CNOT4: variants seen among roughly 807,000 people sequenced by gnomAD.
The protein encoded by CNOT4 is CCR4-associated factor 4.
A neutral mutation model predicts 73.8 loss-of-function variants in CNOT4; 8 were observed. The ratio of observed to expected loss-of-function variants is 0.11; its 90% CI spans 0.06 to 0.20. The LOEUF is 0.20. CNOT4 is among the 10% of genes least tolerant of loss of function. The pLI is 1.00. For missense variants in CNOT4, 564 were observed against 883.4 expected (o/e 0.64, Z 4.58); for synonymous variants, 293 against 321.1 (o/e 0.91, Z 0.94).
chr7:135,433,784 T>C (rs1798995049), intron 2 of CNOT4, among the ~76,000 whole-genome samples: 1 of 152,222 alleles, frequency 6.6e-6, no homozygotes, highest in African/African-American at 2.4e-5. Flanking sequence ...CAATACAGAA[T>C]GCCACATCAG....
At chr7:135,398,299 A>C in intron 7 of CNOT4, 73 bp from the exon 8 acceptor site, 1 of 763,236 alleles carries the variant, frequency 1.3e-6, no homozygotes, top group Non-Finnish European at 2.2e-6. Context: ...ACTCCTCAAA[A>C]GAAAAAAAAA....
intron 1 of CNOT4, among the ~76,000 whole-genome samples, chr7:135,496,191 C>G (rs1329919150): frequency 6.6e-6 from 1 of 152,136 alleles, no homozygotes; most frequent in Non-Finnish European, 1.5e-5. Context: ...CTCCCGGGTT[C>G]AAGTGATTCT....
At chr7:135,399,342 A>C (rs1396089563) in intron 7 of CNOT4, among the ~76,000 whole-genome samples, 1 of 152,138 alleles carries the variant, frequency 6.6e-6, no homozygotes, top group Non-Finnish European at 1.5e-5. Flanking sequence ...AAACCTGTAC[A>C]GCATGTTACT....
intron 8 of CNOT4, among the ~76,000 whole-genome samples, chr7:135,397,347 C>T (rs1397832514): frequency 6.6e-6 from 1 of 151,906 alleles, no homozygotes; most frequent in Non-Finnish European, 1.5e-5. Context: ...TTCTAATATG[C>T]TGGAAATTAC....
At position 135,413,400 on chromosome 7, in the gene CNOT4, T is replaced by C. The variant is rs988694728; in HGVS notation, c.687+88A>G. The C allele has an allele frequency of 1.7e-5, 25 of 1,449,508 alleles. No individual in the cohort carries two copies. In the Admixed American group the frequency reaches 2.5e-4, roughly 14 times the overall value. 89.8% of individuals were successfully genotyped at this position (1,449,508 alleles called of 1,614,324 possible). On this transcript the variant is annotated intron_variant, in intron 6 of 11. Transcript: ENST00000541284. ...TAATATCAGTTTTTACAAAATCAAATCCTTAGTTTTTGCTTTTGCAATGTT... is the reference window on the plus strand; with the variant it reads ...TAATATCAGTTTTTACAAAATCAAACCCTTAGTTTTTGCTTTTGCAATGTT...
intron 1 of CNOT4, among the ~76,000 whole-genome samples, chr7:135,504,230 TC>T (rs1467002750): frequency 6.6e-6 from 1 of 152,108 alleles, no homozygotes; most frequent in Non-Finnish European, 1.5e-5. Context: ...TTTTCAAAAT[TC>T]AATCACTATT....
At chr7:135,435,385 T>C (rs1424212919) in intron 2 of CNOT4, among the ~76,000 whole-genome samples, 4 of 152,304 alleles carry the variant, frequency 2.6e-5, no homozygotes, top group Middle Eastern at 3.4e-3. Context: ...TTTTCTCTTG[T>C]TGCATTATAT....
chr7:135,479,596 CA>C (rs756336352), intron 1 of CNOT4, among the ~76,000 whole-genome samples: 6 of 150,238 alleles, frequency 4.0e-5, no homozygotes, highest in Admixed American at 2.7e-4. Context: ...GAATTTGACT[CA>C]AAAAAAAGAA....
chr7:135,489,870 C>T (rs1802994135), intron 1 of CNOT4, among the ~76,000 whole-genome samples: 1 of 152,102 alleles, frequency 6.6e-6, no homozygotes, highest in African/African-American at 2.4e-5. Context: ...TATACAATGC[C>T]ACAACAGTGA....
Position 135,362,811 on chromosome 7 carries a change from T to C in CNOT4, c.*74A>G, listed in dbSNP as rs769090633. The C allele has an allele frequency of 7.6e-7, 1 of 1,308,216 alleles. No homozygotes were observed. The highest frequency in any genetic ancestry group is 1.7e-5 in the Admixed American group (1 of 59,628). The allele number at this position is 1,308,216 out of a possible 1,614,324, so 81.0% of individuals were successfully genotyped here. A position where few individuals can be genotyped will look rare whatever the true frequency, so the allele number is the denominator to read the frequency against. ...AGAACATAAGAGATGAGAAGGGAGC[T>C]GTGGGTGGTGGGCTGAGAGGGAGAA... is the stretch of plus-strand genomic sequence containing the variant. On this transcript the variant is annotated 3_prime_UTR_variant, in exon 12 of 12. Coordinates refer to ENST00000541284, the MANE Select transcript of CNOT4 (RefSeq NM_001190850.2).
At chr7:135,408,795 C>T (rs11764781) in intron 7 of CNOT4, among the ~76,000 whole-genome samples, 2 of 151,998 alleles carry the variant, frequency 1.3e-5, no homozygotes, top group African/African-American at 4.8e-5. Context: ...GTGGCCCCAA[C>T]TGGGAATCGA....
chr7:135,409,219 GT>G (rs1172803556), intron 7 of CNOT4, among the ~76,000 whole-genome samples: 16 of 152,254 alleles, frequency 1.1e-4, no homozygotes, highest in African/African-American at 3.8e-4. Flanking sequence ...AATAAGATAA[GT>G]AATAGCATAT....
At chr7:135,386,392 A>G (rs1185728182) in intron 10 of CNOT4, 12 of 152,118 alleles carry the variant, frequency 7.9e-5, no homozygotes, top group Non-Finnish European at 1.8e-4. Flanking sequence ...CACATGATGC[A>G]TCATGCAGGA....
Position 135,364,215 on chromosome 7 carries a change from T to TTA in CNOT4, c.1628-150_1628-149insTA. The TTA allele has an allele frequency of 1.4e-6, 1 of 690,080 alleles. No homozygotes were observed. The highest frequency in any genetic ancestry group is 2.0e-5 in the South Asian group (1 of 49,008). The allele number at this position is 690,080 out of a possible 1,614,324, so 42.7% of individuals were successfully genotyped here. A position where few individuals can be genotyped will look rare whatever the true frequency, so the allele number is the denominator to read the frequency against. On this transcript the variant is annotated intron_variant, in intron 10 of 11. Coordinates refer to ENST00000541284, the MANE Select transcript of CNOT4 (RefSeq NM_001190850.2). The surrounding 1 kb of genome is among the most constrained non-coding windows in gnomAD (Gnocchi z 4.3). ...ATGGGTTGTCCTAGCAAGATAAACT[T>TTA]GGTTAGGATTTTGCTCGTGAGCTCA... is the stretch of plus-strand genomic sequence containing the variant.
At chr7:135,388,563 T>A in intron 10 of CNOT4, 3 of 1,118,282 alleles carry the variant, frequency 2.7e-6, no homozygotes, top group African/African-American at 1.6e-5. Flanking sequence ...AGAAATAGTA[T>A]CACTCATGAG....
intron 2 of CNOT4, among the ~76,000 whole-genome samples, chr7:135,429,627 T>C (rs1798700669): frequency 6.6e-6 from 1 of 152,210 alleles, no homozygotes; most frequent in South Asian, 2.1e-4. Flanking sequence ...ATATTCAGGA[T>C]TACATTATTA....
intron 10 of CNOT4, among the ~76,000 whole-genome samples, chr7:135,376,792 A>T (rs1382799132): frequency 6.6e-6 from 1 of 152,222 alleles, no homozygotes; most frequent in Non-Finnish European, 1.5e-5. Context: ...AAATCAACAT[A>T]ACAAAAATCC....
intron 1 of CNOT4, among the ~76,000 whole-genome samples, chr7:135,491,461 T>C (rs191439467): frequency 4.1e-4 from 63 of 152,196 alleles, no homozygotes; most frequent in Non-Finnish European, 7.8e-4. Context: ...AACAAGTATA[T>C]CAAAGACAAG....
At chr7:135,407,474 A>T (rs939009382) in intron 7 of CNOT4, among the ~76,000 whole-genome samples, 3 of 152,228 alleles carry the variant, frequency 2.0e-5, no homozygotes, top group Non-Finnish European at 4.4e-5. Context: ...CTTAAAGAGT[A>T]AATAAAACAC....
Sources: allele counts gnomAD v4.1 joint callset (sites outside exome capture counted in the v4.1 genomes callset), GRCh38; gene constraint gnomAD v4.1.1; non-coding constraint Gnocchi (gnomAD v3.1); transcripts MANE v1.5; gene names NCBI Gene and HGNC (gene_info 2026-07-23, HGNC 2026-07-21).